Variants in TMTC1 observed in about 807,000 individuals in gnomAD.
TMTC1 encodes the protein transmembrane O-mannosyltransferase targeting cadherins 1.
A neutral mutation model predicts 104.8 loss-of-function variants in TMTC1; 73 were observed. The ratio of observed to expected loss-of-function variants is 0.70; its 90% confidence interval spans 0.58 to 0.85. The LOEUF (loss-of-function observed/expected upper bound fraction) is 0.85. Ranked by LOEUF, TMTC1 falls within the 40% of genes least tolerant of loss-of-function variation. The probability of loss-of-function intolerance (pLI) is 0.00; values close to 1 mark genes in which losing one functional copy is unlikely to be tolerated. For synonymous variants in TMTC1, 434 were observed against 428.7 expected (o/e 1.01, Z -0.15); for missense variants, 1,035 against 1,096.1 (o/e 0.94, Z 0.79).
At position 29,572,179 on chromosome 12, in the gene TMTC1, G is replaced by A. The variant is rs111622747; in HGVS notation, c.1458C>T (p.His486=). The A allele has an allele frequency of 6.2e-7, 1 of 1,613,996 alleles. No individual in the cohort carries two copies. The highest frequency in any genetic ancestry group is 8.5e-7 in the Non-Finnish European group (1 of 1,179,884). The change falls in exon 9 of 18, where the codon CAC becomes CAT. Residue 486 remains histidine, a synonymous_variant. Coordinates refer to ENST00000539277, the MANE Select transcript of TMTC1 (RefSeq NM_001193451.2). The part of the protein sequence containing the change: ...VQTLPHNAKV[H]YNYANFLKDQ... ...CCTTCAGGAAATTGGCATAGTTGTA[G>A]TGAACCTTGGCATTGTGGGGCAGAG...
rs1943667638 is a variant in TMTC1 at position 29,505,007 on chromosome 12, GA to G, written c.*1838del. On this transcript the variant is annotated 3_prime_UTR_variant, in exon 18 of 18. Transcript: ENST00000539277. ...TGGATACATTTATGTTATATAACAT[GA>G]AAAAACTATTAGAAACAAATGGTTG... The G allele has an allele frequency of 6.6e-6, 1 of 152,048 alleles. No individual in the cohort carries two copies. The highest frequency in any genetic ancestry group is 1.5e-5 in the Non-Finnish European group (1 of 67,986). The allele number at this position is 152,048 out of a possible 1,614,324, so 9.4% of individuals were successfully genotyped here.
intron 5 of TMTC1, among the ~76,000 whole-genome samples, chr12:29,693,615 A>AAAAACT (rs143133873): frequency 0.013 from 1,929 of 152,078 alleles, 27 homozygotes; most frequent in African/African-American, 0.044. Flanking sequence ...AATTTATTTT[A>AAAAACT]AAAACTAAAA....
chr12:29,767,169 T>G (rs1592031127), intron 2 of TMTC1, among the ~76,000 whole-genome samples: 1 of 152,234 alleles, frequency 6.6e-6, no homozygotes, highest in Admixed American at 6.5e-5. Context: ...GCCAGGCTGG[T>G]CTTGAACTTC....
chr12:29,755,515 C>T lies in TMTC1; in HGVS notation c.731+194G>A, dbSNP rs115698314. ...ACTTCATAGTCCTCACTGATTTATACAAAAGTGTGAAGCATTTGAACATAT... is the reference window on the plus strand; with the variant it reads ...ACTTCATAGTCCTCACTGATTTATATAAAAGTGTGAAGCATTTGAACATAT... On this transcript the variant is annotated intron_variant, in intron 4 of 17. Coordinates refer to ENST00000539277, the MANE Select transcript of TMTC1 (RefSeq NM_001193451.2). Among the ~76,000 whole-genome samples, 1,174 of 152,258 alleles carry T rather than the reference C, an allele frequency of 7.7e-3. 13 individuals carry two copies. Among genetic ancestry groups the T allele is most frequent in the African/African-American group, 0.026 (1,074 of 41,534 alleles).
At chr12:29,531,669 C>T (rs1312733718) in intron 11 of TMTC1, among the ~76,000 whole-genome samples, 1 of 152,138 alleles carries the variant, frequency 6.6e-6, no homozygotes, top group Non-Finnish European at 1.5e-5. Flanking sequence ...TGATGGAGAA[C>T]AAAGAGTATA....
At chr12:29,550,401 G>A (rs1339074153) in intron 10 of TMTC1, among the ~76,000 whole-genome samples, 3 of 152,142 alleles carry the variant, frequency 2.0e-5, no homozygotes, top group African/African-American at 7.2e-5. Flanking sequence ...AGAGGGAGCA[G>A]GAGAATAGCA....
At chr12:29,538,066 A>G (rs931962075) in intron 10 of TMTC1, among the ~76,000 whole-genome samples, 2 of 152,154 alleles carry the variant, frequency 1.3e-5, no homozygotes, top group Non-Finnish European at 2.9e-5. Flanking sequence ...GCTCTTGTTC[A>G]TGCAAAGTCC....
intron 6 of TMTC1, among the ~76,000 whole-genome samples, chr12:29,610,888 G>A (rs1176674470): frequency 6.6e-6 from 1 of 152,192 alleles, no homozygotes; most frequent in East Asian, 1.9e-4. Context: ...TCAGGCTGGT[G>A]ATATCATTTC....
rs144741470 is a variant in TMTC1 at position 29,573,858 on chromosome 12, C to A, written c.1419-1640G>T. Reference sequence around the variant, plus strand: ...GGTTATCTGAAGAGCAGCAGAGAATCAGTGCAAAGTCTCCAACAGAAAAGT... The same window carrying A: ...GGTTATCTGAAGAGCAGCAGAGAATAAGTGCAAAGTCTCCAACAGAAAAGT... On this transcript the variant is annotated intron_variant, in intron 8 of 17. Coordinates refer to ENST00000539277, the MANE Select transcript of TMTC1 (RefSeq NM_001193451.2). Among the ~76,000 whole-genome samples, 153 of 152,112 alleles carry A rather than the reference C, an allele frequency of 1.0e-3. 1 individual carries two copies. The highest frequency in any genetic ancestry group is 3.5e-3 in the African/African-American group (147 of 41,492).
intron 5 of TMTC1, among the ~76,000 whole-genome samples, chr12:29,739,623 T>C (rs1472700373): frequency 6.6e-6 from 1 of 152,178 alleles, no homozygotes; most frequent in African/African-American, 2.4e-5. Context: ...GAATTCTGTC[T>C]ATTTCTTGCA....
intron 2 of TMTC1, among the ~76,000 whole-genome samples, chr12:29,762,037 C>T (rs1375403836): frequency 6.6e-6 from 1 of 151,944 alleles, no homozygotes; most frequent in Non-Finnish European, 1.5e-5. Flanking sequence ...AATACAAATG[C>T]CTAGCCGGGT....
chr12:29,666,321 G>T, intron 5 of TMTC1: 1 of 366,290 alleles, frequency 2.7e-6, no homozygotes, highest in Admixed American at 3.9e-5. Context: ...TCCGCTTCCT[G>T]GGTTCATGCC....
At chr12:29,595,147 A>G (rs1946374967) in intron 7 of TMTC1, among the ~76,000 whole-genome samples, 1 of 152,210 alleles carries the variant, frequency 6.6e-6, no homozygotes, top group African/African-American at 2.4e-5. Flanking sequence ...CTGATTTCCA[A>G]GACATCTGCT....
chr12:29,571,647 A>AT (rs574444996), intron 9 of TMTC1, among the ~76,000 whole-genome samples: 304 of 150,646 alleles, frequency 2.0e-3, no homozygotes, highest in African/African-American at 7.0e-3. Flanking sequence ...TTGTCTTATC[A>AT]TTTTTTTTCT....
chr12:29,768,450 T>G (rs575380664), intron 1 of TMTC1, among the ~76,000 whole-genome samples: 7 of 152,212 alleles, frequency 4.6e-5, no homozygotes, highest in Non-Finnish European at 1.0e-4. Flanking sequence ...GAAAGGGAAG[T>G]CCAAAGGGCC....
chr12:29,625,075 G>T (rs182155543), intron 6 of TMTC1, among the ~76,000 whole-genome samples: 1 of 152,116 alleles, frequency 6.6e-6, no homozygotes, highest in African/African-American at 2.4e-5. Context: ...ATTTCAGCTC[G>T]ATACTTGCTG....
chr12:29,783,515 C>A lies in TMTC1; in HGVS notation c.237G>T (p.Trp79Cys). Residue 79 changes from tryptophan (W) to cysteine (C), a missense_variant, in exon 1 of 18, where the codon TGG becomes TGT. Coordinates refer to ENST00000539277, the MANE Select transcript of TMTC1 (RefSeq NM_001193451.2). The surrounding 1 kb of genome is among the most constrained non-coding windows in gnomAD (Gnocchi z 4.7). ...LRWGIFTNDFWGKGMAENTSH... is the reference protein window; with the variant it reads ...LRWGIFTNDFCGKGMAENTSH... ...TGGTGTTCTCGGCCATGCCCTTGCC[C>A]CAGAAGTCGTTGGTGAAGATGCCCC... 1.4e-6 allele frequency: 2 copies of A among 1,442,326 alleles called. No homozygotes were observed. Among genetic ancestry groups the A allele is most frequent in the Admixed American group, 2.4e-5 (1 of 42,138 alleles). 89.3% of individuals were successfully genotyped at this position (1,442,326 alleles called of 1,614,324 possible).
chr12:29,664,782 A>G (rs1297957477), intron 5 of TMTC1, among the ~76,000 whole-genome samples: 2 of 152,228 alleles, frequency 1.3e-5, no homozygotes, highest in African/African-American at 4.8e-5. Flanking sequence ...TATAAGATAA[A>G]GTACCTAAAA....
intron 11 of TMTC1, among the ~76,000 whole-genome samples, chr12:29,527,571 T>A (rs894775768): frequency 2.0e-5 from 3 of 152,222 alleles, no homozygotes; most frequent in African/African-American, 7.2e-5. Flanking sequence ...TTGAAAACTA[T>A]CTGTGGCTAC....
Sources: gnomAD v4.1 joint callset for allele counts (sites outside exome capture counted in the v4.1 genomes callset) on GRCh38, gnomAD v4.1.1 for gene constraint, Gnocchi (gnomAD v3.1) non-coding constraint, MANE v1.5 for transcripts, NCBI Gene and HGNC (gene_info 2026-07-23, HGNC 2026-07-21) for gene names.